EPB41L1: variants seen among roughly 807,000 people sequenced by gnomAD.
The protein encoded by EPB41L1 is erythrocyte membrane protein band 4.1 like 1, also known as band 4.1-like protein 1.
Under a neutral mutation model 97.8 loss-of-function variants are expected in EPB41L1, and 29 were observed. That is an observed-to-expected ratio of 0.30 (90% CI 0.22 to 0.40). The LOEUF (loss-of-function observed/expected upper bound fraction) is 0.40. Among genes scored for constraint, EPB41L1 ranks in the 10% least tolerant of loss-of-function variants. The pLI is 1.00. For synonymous variants in EPB41L1, 383 were observed against 459.2 expected, an observed-to-expected ratio of 0.83 and a Z score of 2.12; for missense variants, 812 against 1,162.3, an observed-to-expected ratio of 0.70 and a Z score of 4.38.
Position 36,219,793 on chromosome 20 carries a change from C to T in EPB41L1, c.2388C>T (p.Tyr796=), listed in dbSNP as rs746792333. ...GGAAAGATGTCCTCACCAGCACCTA[C>T]GGCGCCACTGCGGAAACCCTCTCAA... ...IIGKDVLTST[Y]GATAETLSTS... Residue 796 remains tyrosine, a synonymous_variant, in exon 19 of 22, where the codon TAC becomes TAT. Coordinates refer to ENST00000338074, the MANE Select transcript of EPB41L1 (RefSeq NM_012156.2). 22 of 1,614,070 alleles carry T rather than the reference C, an allele frequency of 1.4e-5. No homozygotes were observed. The highest frequency in any genetic ancestry group is 4.5e-5 in the East Asian group (2 of 44,896).
At chr20:36,197,838 A>T (rs1600889128) in intron 13 of EPB41L1, 21 bp from the exon 14 acceptor site, 1 of 1,613,426 alleles carries the variant, frequency 6.2e-7, no homozygotes, top group African/African-American at 1.3e-5. Context: ...TAACACCACC[A>T]CCCTCTCCAT....
rs1466740862 is a variant in EPB41L1, at chr20:36,230,792, A to G, written c.*1452A>G. 4 of 146,398 alleles carry G rather than the reference A, an allele frequency of 2.7e-5. No homozygotes were observed. Among genetic ancestry groups the G allele is most frequent in the Non-Finnish European group, 6.0e-5 (4 of 66,972 alleles). 9.1% of individuals were successfully genotyped at this position (146,398 alleles called of 1,614,324 possible). A position where few individuals can be genotyped will look rare whatever the true frequency, so the allele number is the denominator to read the frequency against. ...TCTCTCTTTTTTTTTTTTTTGCCAC[A>G]TTCTGCCCTTCCCTGACCCCATTGT... On this transcript the variant is annotated 3_prime_UTR_variant, in exon 22 of 22. Transcript: ENST00000338074.
At chr20:36,158,218 C>T (rs2060389957) in intron 1 of EPB41L1, among the ~76,000 whole-genome samples, 1 of 152,178 alleles carries the variant, frequency 6.6e-6, no homozygotes, top group South Asian at 2.1e-4. Flanking sequence ...CCTGTAGTTT[C>T]TCAGAGGCCA....
chr20:36,141,668 C>T (rs2059644300), intron 2 of EPB41L1, among the ~76,000 whole-genome samples: 1 of 152,196 alleles, frequency 6.6e-6, no homozygotes, highest in African/African-American at 2.4e-5. Flanking sequence ...TATGTTTACA[C>T]ATATATACCA....
intron 17 of EPB41L1, among the ~76,000 whole-genome samples, chr20:36,216,396 G>A (rs1028642157): frequency 2.0e-5 from 3 of 152,194 alleles, no homozygotes; most frequent in East Asian, 1.9e-4. Flanking sequence ...AGGAGGAGTC[G>A]GGGGGGAAGA....
intron 1 of EPB41L1, among the ~76,000 whole-genome samples, chr20:36,107,211 CTTTTTTTT>C (rs397864874): frequency 8.8e-6 from 1 of 114,228 alleles, no homozygotes; most frequent in Non-Finnish European, 1.7e-5. Flanking sequence ...GAGAATATAC[CTTTTTTTT>C]TTTTTTTTTT....
intron 13 of EPB41L1, chr20:36,197,641 T>C (rs1007200706): frequency 3.0e-6 from 3 of 985,242 alleles, no homozygotes; most frequent in Admixed American, 6.1e-5. Flanking sequence ...CTCCTCTTTT[T>C]CATCTTCAGT....
chr20:36,170,033 C>T (rs769796516), intron 1 of EPB41L1, among the ~76,000 whole-genome samples: 58 of 152,318 alleles, frequency 3.8e-4, no homozygotes, highest in Non-Finnish European at 6.9e-4. Flanking sequence ...ACCATGCCCA[C>T]GTGACGGGCT....
intron 13 of EPB41L1, chr20:36,197,523 A>T: frequency 1.9e-6 from 1 of 520,766 alleles, no homozygotes; most frequent in Non-Finnish European, 2.5e-6. Flanking sequence ...GACCGGGCTT[A>T]TAGCACCACA....
intron 2 of EPB41L1, among the ~76,000 whole-genome samples, chr20:36,144,918 A>C (rs951403205): frequency 6.6e-6 from 1 of 152,224 alleles, no homozygotes; most frequent in African/African-American, 2.4e-5. Context: ...AAGCACATCT[A>C]GGAAACAACT....
chr20:36,227,974 G>GA (rs1371603614), intron 21 of EPB41L1, among the ~76,000 whole-genome samples: 1 of 152,146 alleles, frequency 6.6e-6, no homozygotes, highest in African/African-American at 2.4e-5. Context: ...AATTTAATGG[G>GA]AAAAAATTGA....
At chr20:36,135,723 C>T (rs1487027306) in intron 2 of EPB41L1, among the ~76,000 whole-genome samples, 1 of 152,180 alleles carries the variant, frequency 6.6e-6, no homozygotes, top group Admixed American at 6.5e-5. Context: ...GCTCTTCTGC[C>T]TGAAAGTTGC....
intron 2 of EPB41L1, among the ~76,000 whole-genome samples, chr20:36,135,360 C>T (rs1044755669): frequency 1.3e-5 from 2 of 152,172 alleles, no homozygotes; most frequent in African/African-American, 4.8e-5. Context: ...ATTCTGCCTC[C>T]AGAGCCCACG....
intron 14 of EPB41L1, among the ~76,000 whole-genome samples, chr20:36,202,213 G>A (rs1442111051): frequency 1.3e-5 from 2 of 152,220 alleles, no homozygotes; most frequent in Non-Finnish European, 2.9e-5. Flanking sequence ...TCATTCTCCT[G>A]CAAATGTCCA....
chr20:36,162,926 T>A (rs2060591103), intron 1 of EPB41L1, among the ~76,000 whole-genome samples: 1 of 152,188 alleles, frequency 6.6e-6, no homozygotes, highest in Admixed American at 6.5e-5. Context: ...CCCTTTTTGA[T>A]CCTTCTTGCC....
At chr20:36,133,060 T>A (rs2042380285) in intron 2 of EPB41L1, among the ~76,000 whole-genome samples, 1 of 152,374 alleles carries the variant, frequency 6.6e-6, no homozygotes, top group East Asian at 1.9e-4. Context: ...CACAAGTGAC[T>A]AATTTTATCC....
chr20:36,188,889 A>G (rs1001469389), intron 9 of EPB41L1, among the ~76,000 whole-genome samples: 1 of 152,040 alleles, frequency 6.6e-6, no homozygotes, highest in Non-Finnish European at 1.5e-5. Flanking sequence ...AAAAAAAAAA[A>G]AAAGGGAGAA....
intron 2 of EPB41L1, among the ~76,000 whole-genome samples, chr20:36,131,469 A>G (rs925846766): frequency 6.6e-6 from 1 of 151,708 alleles, no homozygotes; most frequent in Non-Finnish European, 1.5e-5. Context: ...ACTGCTCCCA[A>G]CTGTCCTCTG....
At chr20:36,153,193 AGC>A (rs1017007710), upstream of EPB41L1, 44 of 422,612 alleles carry the variant, frequency 1.0e-4, no homozygotes, top group Non-Finnish European at 4.8e-6. Context: ...GAGAGGGCAT[AGC>A]CTCATTCTTT....
Sources: allele counts gnomAD v4.1 joint callset (sites outside exome capture counted in the v4.1 genomes callset), GRCh38; gene constraint gnomAD v4.1.1; transcripts MANE v1.5; gene names NCBI Gene and HGNC (gene_info 2026-07-23, HGNC 2026-07-21).